The following CLVS1 variants were observed in gnomAD, a reference collection of about 807,000 sequenced individuals.
The protein encoded by CLVS1 is clavesin 1.
In CLVS1, 10 loss-of-function variants were observed where a neutral mutation model predicts 33.1. The ratio of observed to expected loss-of-function variants is 0.30; its 90% CI spans 0.19 to 0.51. CLVS1 has a LOEUF of 0.51. Among genes scored for constraint, CLVS1 ranks in the 20% least tolerant of loss-of-function variants. The pLI is 0.97. For synonymous variants in CLVS1, 163 were observed against 166.1 expected (o/e 0.98, Z 0.14); for missense variants, 343 against 433.4 (o/e 0.79, Z 1.85).
chr8:61,043,765 T>C, the CLVS1 span, among the ~76,000 whole-genome samples: 1 of 152,172 alleles, frequency 6.6e-6, no homozygotes, highest in Non-Finnish European at 1.5e-5. Flanking sequence ...TGATAGGTAC[T>C]CTAGATGCCT....
intron 2 of CLVS1, among the ~76,000 whole-genome samples, chr8:61,267,935 C>T (rs1435025667): frequency 6.6e-6 from 1 of 152,164 alleles, no homozygotes. Flanking sequence ...TTAATTAACT[C>T]TTTATTGATG....
intron 5 of CLVS1, among the ~76,000 whole-genome samples, chr8:61,496,176 G>C (rs1804258523): frequency 6.6e-6 from 1 of 152,190 alleles, no homozygotes; most frequent in Admixed American, 6.5e-5. Flanking sequence ...ATGAGTCACT[G>C]TTTCCCTCTA....
chr8:60,996,026 G>T, the CLVS1 span, among the ~76,000 whole-genome samples: 7 of 152,286 alleles, frequency 4.6e-5, no homozygotes, highest in South Asian at 2.1e-4. Flanking sequence ...GTGGGGGTAG[G>T]GGGGAGGGAT....
At chr8:60,965,281 T>C in the CLVS1 span, 1 of 152,124 alleles carries the variant, frequency 6.6e-6, no homozygotes, top group Non-Finnish European at 1.5e-5. Context: ...AGACCCCAGA[T>C]GGTGGGAATC....
chr8:61,345,605 G>T (rs1310188014), intron 2 of CLVS1, among the ~76,000 whole-genome samples: 1 of 150,126 alleles, frequency 6.7e-6, no homozygotes, highest in African/African-American at 2.5e-5. Flanking sequence ...TTTCTTCCTT[G>T]ATTGGAGCCT....
the CLVS1 span, among the ~76,000 whole-genome samples, chr8:61,025,848 G>T: frequency 6.6e-6 from 1 of 152,116 alleles, no homozygotes; most frequent in African/African-American, 2.4e-5. Flanking sequence ...TAATTTGTTT[G>T]GTGGTTTAAA....
chr8:61,275,612 A>G (rs1021024877), intron 2 of CLVS1, among the ~76,000 whole-genome samples: 1 of 152,236 alleles, frequency 6.6e-6, no homozygotes, highest in African/African-American at 2.4e-5. Context: ...AGGTTGAAGA[A>G]TTTGACAGAG....
At chr8:60,975,269 G>C in the CLVS1 span, among the ~76,000 whole-genome samples, 7 of 152,152 alleles carry the variant, frequency 4.6e-5, no homozygotes, top group Non-Finnish European at 7.3e-5. Flanking sequence ...TTGTAAAAGA[G>C]CACTAATGTT....
At chr8:60,973,849 A>G in the CLVS1 span, among the ~76,000 whole-genome samples, 3 of 152,144 alleles carry the variant, frequency 2.0e-5, no homozygotes, top group Admixed American at 6.5e-5. Context: ...CTATCACCTG[A>G]TGGTCACCTG....
chr8:61,083,097 A>C (rs1233891308), intron 1 of CLVS1, among the ~76,000 whole-genome samples: 1 of 152,230 alleles, frequency 6.6e-6, no homozygotes, highest in Admixed American at 6.5e-5. Flanking sequence ...ATTCTTCAGA[A>C]AGAAGGAAAA....
chr8:60,990,427 G>A, the CLVS1 span, among the ~76,000 whole-genome samples: 2 of 152,252 alleles, frequency 1.3e-5, no homozygotes, highest in African/African-American at 2.4e-5. Context: ...ATGACATGAT[G>A]TCTTGCATTT....
At chr8:61,234,451 C>T (rs1316672683) in intron 2 of CLVS1, among the ~76,000 whole-genome samples, 1 of 152,106 alleles carries the variant, frequency 6.6e-6, no homozygotes, top group Non-Finnish European at 1.5e-5. Flanking sequence ...CACAGAAAGA[C>T]ACGTCCTTTT....
chr8:61,305,596 G>A lies in CLVS1; in HGVS notation c.455+5314G>A, dbSNP rs541021108. Among the ~76,000 whole-genome samples, 8 of 152,178 alleles carry A rather than the reference G, an allele frequency of 5.3e-5. No homozygotes were observed. In the South Asian group the frequency reaches 1.0e-3, roughly 20 times the overall value. ...CTTTTAAGTTCAGGTACATGTGCAG[G>A]TTTGTTACGTAGGTAAACTTGTGTC... On this transcript the variant is annotated intron_variant, in intron 2 of 5. Transcript: ENST00000325897.
chr8:61,253,210 G>T (rs994126324), intron 2 of CLVS1, among the ~76,000 whole-genome samples: 1 of 152,096 alleles, frequency 6.6e-6, no homozygotes, highest in African/African-American at 2.4e-5. Context: ...GAAATTTTGG[G>T]TTGAAAATTC....
chr8:61,260,253 A>G (rs1809172295), intron 2 of CLVS1, among the ~76,000 whole-genome samples: 1 of 152,202 alleles, frequency 6.6e-6, no homozygotes, highest in African/African-American at 2.4e-5. Flanking sequence ...TAATGGCCAG[A>G]GAGTTAGAGA....
intron 2 of CLVS1, among the ~76,000 whole-genome samples, chr8:61,305,914 T>C (rs1810608683): frequency 6.6e-6 from 1 of 152,200 alleles, no homozygotes; most frequent in Non-Finnish European, 1.5e-5. Flanking sequence ...CTGCATAGTA[T>C]TTCATGGTGT....
the CLVS1 span, among the ~76,000 whole-genome samples, chr8:61,027,915 AT>A: frequency 6.6e-6 from 1 of 152,214 alleles, no homozygotes; most frequent in African/African-American, 2.4e-5. Context: ...GATTTTGTTT[AT>A]TGGTGAATCG....
At chr8:61,412,897 A>G (rs1271529660) in intron 3 of CLVS1, among the ~76,000 whole-genome samples, 2 of 152,230 alleles carry the variant, frequency 1.3e-5, no homozygotes, top group African/African-American at 4.8e-5. Context: ...ATCACCATAG[A>G]GGTCACTAAA....
the CLVS1 span, among the ~76,000 whole-genome samples, chr8:61,031,618 A>G: frequency 6.6e-6 from 1 of 152,160 alleles, no homozygotes; most frequent in Non-Finnish European, 1.5e-5. Flanking sequence ...CTCTGTTTGG[A>G]GTAGTAAATG....
Sources: allele counts gnomAD v4.1 joint callset (sites outside exome capture counted in the v4.1 genomes callset), GRCh38; gene constraint gnomAD v4.1.1; transcripts MANE v1.5; gene names NCBI Gene and HGNC (gene_info 2026-07-23, HGNC 2026-07-21).